ADGRL2: variants seen among roughly 807,000 people sequenced by gnomAD.
ADGRL2 encodes the protein adhesion G protein-coupled receptor L2, also known as calcium-independent alpha-latrotoxin receptor 2.
A neutral mutation model predicts 157.4 loss-of-function variants in ADGRL2; 44 were observed. The ratio of observed to expected loss-of-function variants is 0.28; its 90% confidence interval spans 0.22 to 0.36. The LOEUF (loss-of-function observed/expected upper bound fraction) is 0.36. Ranked by LOEUF, ADGRL2 falls within the 10% of genes least tolerant of loss-of-function variation. ADGRL2 has a pLI of 1.00. For missense variants in ADGRL2, 1,510 were observed against 1,768.9 expected, an observed-to-expected ratio of 0.85 and a Z score of 2.63; for synonymous variants, 585 against 624.7, an observed-to-expected ratio of 0.94 and a Z score of 0.95.
chr1:81,645,959 A>AT (rs1302911762), intron 3 of ADGRL2, among the ~76,000 whole-genome samples: 7 of 152,328 alleles, frequency 4.6e-5, no homozygotes, highest in Admixed American at 3.3e-4. Flanking sequence ...GCAAAGCTTG[A>AT]GAGATTTCCA....
rs753381148 is a variant in ADGRL2, at chr1:81,936,797, A to G, written c.357A>G (p.Thr119=). ...TGTTTCCTGATCCATGTCCTGGAAC[A>G]TACAAATACCTTGAAGTCCAATATG... ...SDVFPDPCPG[T]YKYLEVQYEC... is the part of the protein sequence containing the mutation. The change falls in exon 4 of 24, where the codon ACA becomes ACG. Residue 119 remains threonine (T), a synonymous_variant. Coordinates refer to ENST00000686636, the MANE Select transcript of ADGRL2 (RefSeq NM_001366006.2). 3 of 1,611,516 alleles carry G rather than the reference A, an allele frequency of 1.9e-6. No homozygotes were observed. Among genetic ancestry groups the G allele is most frequent in the South Asian group, 1.1e-5 (1 of 91,008 alleles).
At chr1:81,744,161 A>T (rs1223661604) in intron 1 of ADGRL2, among the ~76,000 whole-genome samples, 1 of 152,160 alleles carries the variant, frequency 6.6e-6, no homozygotes, top group African/African-American at 2.4e-5. Flanking sequence ...GTATTCTATG[A>T]GCAGACAAAA....
chr1:81,512,984 T>A (rs2079107401), intron 2 of ADGRL2, among the ~76,000 whole-genome samples: 1 of 152,178 alleles, frequency 6.6e-6, no homozygotes, highest in African/African-American at 2.4e-5. Context: ...GTTTGGTATC[T>A]GATAGAGAAA....
At chr1:81,669,510 A>G (rs370969336) in intron 3 of ADGRL2, among the ~76,000 whole-genome samples, 4 of 152,304 alleles carry the variant, frequency 2.6e-5, no homozygotes, top group African/African-American at 9.6e-5. Context: ...CAGTCACATA[A>G]TTAGACAGAT....
intron 1 of ADGRL2, chr1:81,427,030 T>C: frequency 9.0e-7 from 1 of 1,106,374 alleles, no homozygotes; most frequent in South Asian, 1.2e-5. Context: ...GTTGATAACA[T>C]TGTTATTCAG....
intron 1 of ADGRL2, among the ~76,000 whole-genome samples, chr1:81,709,289 A>G (rs12122198): frequency 0.064 from 9,793 of 152,234 alleles, 435 homozygotes; most frequent in South Asian, 0.14. Flanking sequence ...AATGGATAAA[A>G]TAGGCTTTAT....
chr1:81,457,405 T>G (rs2077829856), intron 2 of ADGRL2, among the ~76,000 whole-genome samples: 1 of 152,140 alleles, frequency 6.6e-6, no homozygotes, highest in Admixed American at 6.5e-5. Context: ...CTGGGAAAAT[T>G]TAGACACTCG....
chr1:81,518,678 TC>T (rs1441286279), intron 2 of ADGRL2, among the ~76,000 whole-genome samples: 1 of 152,180 alleles, frequency 6.6e-6, no homozygotes, highest in Non-Finnish European at 1.5e-5. Context: ...TGCCTCAGTT[TC>T]TTCATCTGTA....
intron 2 of ADGRL2, among the ~76,000 whole-genome samples, chr1:81,562,063 TA>T (rs2080455655): frequency 6.6e-6 from 1 of 152,154 alleles, no homozygotes; most frequent in African/African-American, 2.4e-5. Flanking sequence ...GACAAGGGCA[TA>T]AATGGCTTCT....
intron 2 of ADGRL2, among the ~76,000 whole-genome samples, chr1:81,783,151 T>G (rs1450329520): frequency 1.3e-5 from 2 of 152,194 alleles, no homozygotes; most frequent in African/African-American, 4.8e-5. Flanking sequence ...TGAGACAGAG[T>G]CTGGCTCTGT....
At chr1:81,598,112 G>T (rs2081270928) in intron 3 of ADGRL2, among the ~76,000 whole-genome samples, 1 of 152,144 alleles carries the variant, frequency 6.6e-6, no homozygotes, top group Non-Finnish European at 1.5e-5. Flanking sequence ...CTCAGAGCCA[G>T]AAAAAAGTCC....
chr1:81,702,581 G>A (rs2083608046), intron 1 of ADGRL2, among the ~76,000 whole-genome samples: 1 of 152,148 alleles, frequency 6.6e-6, no homozygotes. Flanking sequence ...AGTACCCTGA[G>A]CTCAAACAAC....
intron 2 of ADGRL2, among the ~76,000 whole-genome samples, chr1:81,496,931 C>G (rs892780312): frequency 1.3e-5 from 2 of 152,028 alleles, no homozygotes; most frequent in East Asian, 3.9e-4. Context: ...TTTGTCCTCC[C>G]CTTTCTACCT....
At position 81,827,763 on chromosome 1, in the gene ADGRL2, C is replaced by T. The variant is rs375744163; in HGVS notation, c.-100-9122C>T. Among the ~76,000 whole-genome samples, 10 of 152,180 alleles carry T rather than the reference C, an allele frequency of 6.6e-5. No individual in the cohort carries two copies. The East Asian group carries it at 7.8e-4, about 12-fold the overall frequency. On this transcript the variant is annotated intron_variant, in intron 1 of 23. Transcript: ENST00000686636. ...CATTTTTAGTAGAGATGGGATTTCA[C>T]CAAGTTGTCCAGGCTGGTCTCGAAC...
chr1:81,427,322 C>A, intron 1 of ADGRL2: 1 of 725,064 alleles, frequency 1.4e-6, no homozygotes, highest in African/African-American at 1.7e-5. Context: ...TGACAGTCGT[C>A]CTGGTTATAG....
At chr1:81,841,957 G>C (rs1356812283) in intron 2 of ADGRL2, among the ~76,000 whole-genome samples, 7 of 152,154 alleles carry the variant, frequency 4.6e-5, no homozygotes. Context: ...ATGGTTGCAT[G>C]TGTGTTAGGA....
chr1:81,990,842 T>C lies in ADGRL2; in HGVS notation c.4107T>C (p.Ala1369=), dbSNP rs764749995. Residue 1369 remains alanine, a synonymous_variant, in exon 24 of 24, where the codon GCT becomes GCC. Coordinates refer to ENST00000686636, the MANE Select transcript of ADGRL2 (RefSeq NM_001366006.2). ...DSYVSQLTAE[A]EDHLQSPNRD... ...ATGTCTCCCAACTGACAGCAGAGGCTGAAGATCACCTACAGTCCCCCAACA... is the reference window on the plus strand; with the variant it reads ...ATGTCTCCCAACTGACAGCAGAGGCCGAAGATCACCTACAGTCCCCCAACA... The C allele has an allele frequency of 6.8e-6, 11 of 1,613,966 alleles. No homozygotes were observed. Among genetic ancestry groups the C allele is most frequent in the Admixed American group, 6.7e-5 (4 of 59,992 alleles).
At chr1:81,980,410 A>G (rs1661320624) in intron 18 of ADGRL2, among the ~76,000 whole-genome samples, 1 of 151,780 alleles carries the variant, frequency 6.6e-6, no homozygotes, top group South Asian at 2.1e-4. Context: ...CATGCTAAAC[A>G]AATATTTACT....
Position 81,991,211 on chromosome 1 carries a change from A to G in ADGRL2, c.*66A>G. ...AATAAATAAAGACACCATTGGCCTGACGCAGCTCCCTCAAACTCTGCTTGA... is the reference window on the plus strand; with the variant it reads ...AATAAATAAAGACACCATTGGCCTGGCGCAGCTCCCTCAAACTCTGCTTGA... On this transcript the variant is annotated 3_prime_UTR_variant, in exon 24 of 24. Coordinates refer to ENST00000686636, the MANE Select transcript of ADGRL2 (RefSeq NM_001366006.2). 5 of 1,436,690 alleles carry G rather than the reference A, an allele frequency of 3.5e-6. No homozygotes were observed. The highest frequency in any genetic ancestry group is 4.7e-6 in the Non-Finnish European group (5 of 1,065,486). The allele number at this position is 1,436,690 out of a possible 1,614,324, so 89.0% of individuals were successfully genotyped here.
Sources: gnomAD v4.1 joint callset for allele counts (sites outside exome capture counted in the v4.1 genomes callset) on GRCh38, gnomAD v4.1.1 for gene constraint, MANE v1.5 for transcripts, NCBI Gene and HGNC (gene_info 2026-07-23, HGNC 2026-07-21) for gene names.